Variants in ARHGEF3 observed in about 807,000 individuals in gnomAD.
ARHGEF3 encodes the protein Rho guanine nucleotide exchange factor 3.
In ARHGEF3, 28 loss-of-function variants were observed where a neutral mutation model predicts 63.2. The ratio of observed to expected loss-of-function variants is 0.44; its 90% CI spans 0.33 to 0.61. The LOEUF (loss-of-function observed/expected upper bound fraction) is 0.61. ARHGEF3 is among the 20% of genes least tolerant of loss of function. ARHGEF3 has a pLI of 0.03. For missense variants in ARHGEF3, 533 were observed against 659.3 expected, an observed-to-expected ratio of 0.81 and a Z score of 2.10; for synonymous variants, 266 against 254.2, an observed-to-expected ratio of 1.05 and a Z score of -0.44.
In ARHGEF3 at chr3:56,916,222, C is replaced by G. The variant is rs2041984034; in HGVS notation, c.130-33868G>C. ...AAGGTAAAGAGAACACTGCATCCTC[C>G]CACACCTCAGATCCTGGCACCACCC... On this transcript the variant is annotated intron_variant, in intron 3 of 12. Coordinates refer to the ARHGEF3 transcript ENST00000338458. 3 of 1,470,758 alleles carry G rather than the reference C, an allele frequency of 2.0e-6. No homozygotes were observed. In the East Asian group the frequency reaches 7.5e-5, roughly 37 times the overall value. 91.1% of individuals were successfully genotyped at this position (1,470,758 alleles called of 1,614,324 possible). A position where few individuals can be genotyped will look rare whatever the true frequency, so the allele number is the denominator to read the frequency against.
At chr3:56,947,152 A>C (rs62251115) in intron 3 of ARHGEF3, among the ~76,000 whole-genome samples, 1 of 152,162 alleles carries the variant, frequency 6.6e-6, no homozygotes, top group Non-Finnish European at 1.5e-5. Context: ...AGGAACAACC[A>C]GTACCAGCCA....
intron 1 of ARHGEF3, among the ~76,000 whole-genome samples, chr3:57,075,757 C>A (rs909992748): frequency 6.6e-6 from 1 of 152,096 alleles, no homozygotes; most frequent in Non-Finnish European, 1.5e-5. Flanking sequence ...TTGCAGTGAG[C>A]CAAGATCACG....
chr3:56,832,041 T>G (rs961455214), intron 4 of ARHGEF3, among the ~76,000 whole-genome samples: 12 of 152,200 alleles, frequency 7.9e-5, no homozygotes, highest in African/African-American at 2.9e-4. Context: ...GAGGGGCCAG[T>G]GGAGGCTATA....
chr3:56,896,649 T>A (rs1007368801), intron 3 of ARHGEF3, among the ~76,000 whole-genome samples: 10 of 152,244 alleles, frequency 6.6e-5, no homozygotes, highest in Admixed American at 5.9e-4. Flanking sequence ...TTGATTTTAA[T>A]GATTTTGAAG....
chr3:56,839,854 G>T (rs1053584210), intron 4 of ARHGEF3, among the ~76,000 whole-genome samples: 6 of 152,132 alleles, frequency 3.9e-5, no homozygotes, highest in Non-Finnish European at 8.8e-5. Context: ...CTGAGGAAGG[G>T]AGGGTCTGGT....
intron 2 of ARHGEF3, among the ~76,000 whole-genome samples, chr3:57,019,662 G>T (rs1703164522): frequency 6.6e-6 from 1 of 152,118 alleles, no homozygotes; most frequent in South Asian, 2.1e-4. Flanking sequence ...TTAAAACTTT[G>T]CTACTATAAA....
intron 3 of ARHGEF3, among the ~76,000 whole-genome samples, chr3:56,754,337 G>T (rs1704233962): frequency 6.6e-6 from 1 of 152,158 alleles, no homozygotes. Flanking sequence ...ATATTTCAGG[G>T]TCTACTGTGT....
At chr3:56,934,915 GC>G (rs2042517657) in intron 3 of ARHGEF3, among the ~76,000 whole-genome samples, 2 of 152,262 alleles carry the variant, frequency 1.3e-5, no homozygotes, top group African/African-American at 2.4e-5. Flanking sequence ...ACTAGGTGAA[GC>G]CAGCTGGGCT....
At chr3:56,785,627 A>G (rs766903381) in intron 1 of ARHGEF3, among the ~76,000 whole-genome samples, 2 of 152,236 alleles carry the variant, frequency 1.3e-5, no homozygotes, top group African/African-American at 2.4e-5. Flanking sequence ...TCGTTCTTTG[A>G]AGCTCAGCAT....
At chr3:56,885,095 C>T (rs2040876604) in intron 3 of ARHGEF3, among the ~76,000 whole-genome samples, 1 of 152,170 alleles carries the variant, frequency 6.6e-6, no homozygotes, top group African/African-American at 2.4e-5. Context: ...CACAGCATAG[C>T]AAGCCAGAGA....
chr3:56,870,930 T>C (rs4681921), intron 4 of ARHGEF3, among the ~76,000 whole-genome samples: 60,179 of 152,020 alleles, frequency 0.4, 12,125 homozygotes, highest in East Asian at 0.53. Context: ...ATAAAATCTA[T>C]TTAAAAGGGA....
intron 3 of ARHGEF3, among the ~76,000 whole-genome samples, chr3:56,934,605 C>A (rs1479381467): frequency 1.3e-5 from 2 of 152,222 alleles, no homozygotes; most frequent in Admixed American, 6.5e-5. Flanking sequence ...GACTTAGCAC[C>A]CGGGCCAGCG....
chr3:57,067,253 T>C (rs879710838), intron 1 of ARHGEF3, among the ~76,000 whole-genome samples: 6 of 150,728 alleles, frequency 4.0e-5, no homozygotes, highest in African/African-American at 7.3e-5. Flanking sequence ...AGATCGAGAC[T>C]ATCCTGGCTA....
intron 2 of ARHGEF3, among the ~76,000 whole-genome samples, chr3:56,765,923 T>G (rs1430629237): frequency 6.6e-6 from 1 of 151,946 alleles, no homozygotes. Flanking sequence ...TCTTACATAC[T>G]GGGGAAAAAA....
At chr3:57,030,939 A>C (rs551516722) in intron 2 of ARHGEF3, among the ~76,000 whole-genome samples, 34 of 152,296 alleles carry the variant, frequency 2.2e-4, no homozygotes, top group African/African-American at 7.0e-4. Context: ...ACAGTAACAA[A>C]ACTGCATCTC....
chr3:56,901,620 G>A (rs915478781), intron 3 of ARHGEF3, among the ~76,000 whole-genome samples: 1 of 145,592 alleles, frequency 6.9e-6, no homozygotes, highest in Non-Finnish European at 1.5e-5. Context: ...GTCTTACTCT[G>A]TTGTCCAGGC....
chr3:56,913,013 C>T (rs1006221037), intron 3 of ARHGEF3, among the ~76,000 whole-genome samples: 1 of 152,040 alleles, frequency 6.6e-6, no homozygotes, highest in Non-Finnish European at 1.5e-5. Flanking sequence ...GTGGTGCATA[C>T]CTGTAGTCCC....
At chr3:56,963,795 T>G (rs1378456133) in intron 2 of ARHGEF3, among the ~76,000 whole-genome samples, 1 of 152,208 alleles carries the variant, frequency 6.6e-6, no homozygotes, top group African/African-American at 2.4e-5. Context: ...CACTTAAACA[T>G]CTTTTTAGTT....
chr3:56,846,216 A>G (rs1037165546), intron 4 of ARHGEF3, among the ~76,000 whole-genome samples: 2 of 152,212 alleles, frequency 1.3e-5, no homozygotes, highest in Admixed American at 6.5e-5. Context: ...AGCTTTATAT[A>G]TGTCTTTAAT....
Sources: allele counts gnomAD v4.1 joint callset (sites outside exome capture counted in the v4.1 genomes callset), GRCh38; gene constraint gnomAD v4.1.1; transcripts MANE v1.5; gene names NCBI Gene and HGNC (gene_info 2026-07-23, HGNC 2026-07-21).